Variants in PLPP7 observed in about 807,000 individuals in gnomAD.
The protein encoded by PLPP7 is phospholipid phosphatase 7 (inactive), also known as inactive phospholipid phosphatase 7.
PLPP7 carries 11 observed loss-of-function variants against 16.9 expected under a neutral mutation model. That is an observed-to-expected ratio of 0.65 (90% confidence interval 0.41 to 1.08). The LOEUF is 1.08. Ranked by LOEUF, PLPP7 falls within the 50% of genes least tolerant of loss-of-function variation. PLPP7 has a pLI of 0.00. For missense variants in PLPP7, 358 were observed against 397.1 expected (o/e 0.90, Z 0.84); for synonymous variants, 174 against 175.1 (o/e 0.99, Z 0.05).
chr9:131,291,963 G>A (rs1168595431), intron 1 of PLPP7, among the ~76,000 whole-genome samples: 1 of 152,208 alleles, frequency 6.6e-6, no homozygotes, highest in Non-Finnish European at 1.5e-5. Context: ...CACGAGGTTG[G>A]TGCCATTATC....
chr9:131,297,384 GTC>G (rs1297928343), intron 1 of PLPP7, among the ~76,000 whole-genome samples: 2 of 111,332 alleles, frequency 1.8e-5, no homozygotes, highest in Non-Finnish European at 3.8e-5. Flanking sequence ...AGCAGGTGGA[GTC>G]TTTTTTTTTT....
In PLPP7 at chr9:131,290,483, G is replaced by T; in HGVS notation, c.451+35G>T. 1 of 1,484,448 alleles carries T rather than the reference G, an allele frequency of 6.7e-7. No individual in the cohort carries two copies. The highest frequency in any genetic ancestry group is 8.9e-7 in the Non-Finnish European group (1 of 1,120,588). 92.0% of individuals were successfully genotyped at this position (1,484,448 alleles called of 1,614,324 possible). On this transcript the variant is annotated intron_variant, in intron 1 of 1. Coordinates refer to ENST00000372264, the MANE Select transcript of PLPP7 (RefSeq NM_032728.4). This position sits in a 1 kb window ranked among gnomAD's most constrained non-coding sequence, Gnocchi z 4.2. The stretch of plus-strand genomic sequence containing the variant: ...CCTGCCGCCCGCCACTCACTGTCAG[G>T]CCCCTCGGGAGGCAGCCTGGCCTGC...
intron 1 of PLPP7, among the ~76,000 whole-genome samples, chr9:131,297,533 C>A (rs1351571847): frequency 6.6e-6 from 1 of 151,988 alleles, no homozygotes; most frequent in East Asian, 1.9e-4. Flanking sequence ...TTACAGGTGC[C>A]TGCCACCACA....
intron 1 of PLPP7, chr9:131,292,813 C>T: frequency 1.0e-6 from 1 of 985,222 alleles, no homozygotes; most frequent in Non-Finnish European, 1.2e-6. Flanking sequence ...AGAACATTTC[C>T]CCTGCCCCAA....
intron 1 of PLPP7, among the ~76,000 whole-genome samples, chr9:131,297,690 A>C (rs1039979167): frequency 4.6e-5 from 7 of 152,184 alleles, no homozygotes. Context: ...CTAGCCTGTA[A>C]AAATAACTTT....
intron 1 of PLPP7, among the ~76,000 whole-genome samples, chr9:131,298,043 G>C (rs1332377136): frequency 2.0e-5 from 3 of 152,130 alleles, no homozygotes; most frequent in African/African-American, 7.2e-5. Flanking sequence ...TTAGGCCACA[G>C]TTTGTCCTGT....
intron 1 of PLPP7, among the ~76,000 whole-genome samples, chr9:131,297,277 C>A (rs1835743870): frequency 6.6e-6 from 1 of 152,206 alleles, no homozygotes; most frequent in South Asian, 2.1e-4. Flanking sequence ...GGACCTGGTG[C>A]TCAGCAGAGT....
intron 1 of PLPP7, among the ~76,000 whole-genome samples, chr9:131,294,742 C>T (rs550504513): frequency 7.2e-5 from 11 of 152,168 alleles, no homozygotes; most frequent in Non-Finnish European, 1.5e-4. Flanking sequence ...AAGATCTTGG[C>T]TCACTGCAAC....
At chr9:131,306,295 A>T (rs1195801699) in intron 1 of PLPP7, among the ~76,000 whole-genome samples, 1 of 152,016 alleles carries the variant, frequency 6.6e-6, no homozygotes. Context: ...TAATCCCAGC[A>T]CTTTGGGAGG....
intron 1 of PLPP7, among the ~76,000 whole-genome samples, chr9:131,303,332 TAA>T (rs34474446): frequency 1.1e-3 from 107 of 99,132 alleles, no homozygotes; most frequent in East Asian, 3.3e-3. Context: ...AACTCTGTCT[TAA>T]AAAAAAAAAA....
Position 131,307,913 on chromosome 9 carries a change from C to G in PLPP7, c.452-10C>G. On this transcript the variant is annotated splice_polypyrimidine_tract_variant and intron_variant, in intron 1 of 1. Transcript: ENST00000372264. ...CTGATGGCCCAGGGGCCTCTGTCTC[C>G]CCCCAACAGCCCTGCTCCTGGACAT... is the stretch of plus-strand genomic sequence containing the variant. 1.3e-6 allele frequency: 2 copies of G among 1,567,636 alleles called. No individual in the cohort carries two copies. The highest frequency in any genetic ancestry group is 2.3e-5 in the South Asian group (2 of 86,940).
chr9:131,295,114 A>T lies in PLPP7; in HGVS notation c.451+4666A>T, dbSNP rs1267246531. 1.3e-5 allele frequency among the ~76,000 whole-genome samples: 2 copies of T among 150,466 alleles called. No individual in the cohort carries two copies. Among genetic ancestry groups the T allele is most frequent in the African/African-American group, 4.9e-5 (2 of 40,958 alleles). On this transcript the variant is annotated intron_variant, in intron 1 of 1. Transcript: ENST00000372264. The surrounding 1 kb of genome is among the most constrained non-coding windows in gnomAD (Gnocchi z 4.0). Reference sequence around the variant, plus strand: ...TGGGCGACAGAGTGAGACTCTGTCTAAAAAAAAAGTATCTTTATTGAGATT... The same window carrying T: ...TGGGCGACAGAGTGAGACTCTGTCTTAAAAAAAAGTATCTTTATTGAGATT...
rs1177544229 is a variant in PLPP7, at chr9:131,297,898, G to A, written c.451+7450G>A. The stretch of plus-strand genomic sequence containing the variant: ...ATACATATCTTATTTTATGAAGATG[G>A]CATCCTACTGGAAATCCTATTTTAT... On this transcript the variant is annotated intron_variant, in intron 1 of 1. Coordinates refer to ENST00000372264, the MANE Select transcript of PLPP7 (RefSeq NM_032728.4). Among the ~76,000 whole-genome samples, 13 of 152,156 alleles carry A rather than the reference G, an allele frequency of 8.5e-5. No homozygotes were observed. In the East Asian group the frequency reaches 2.3e-3, roughly 27 times the overall value.
rs145231730 is a variant in PLPP7 at position 131,290,361 on chromosome 9, G to C, written c.364G>C (p.Gly122Arg). The C allele has an allele frequency of 1.2e-6, 2 of 1,608,306 alleles. No homozygotes were observed. Among genetic ancestry groups the C allele is most frequent in the Admixed American group, 3.3e-5 (2 of 59,758 alleles). Residue 122 changes from glycine to arginine, a missense_variant, in exon 1 of 2, where the codon GGC becomes CGC. Coordinates refer to ENST00000372264, the MANE Select transcript of PLPP7 (RefSeq NM_032728.4). The surrounding 1 kb of genome is among the most constrained non-coding windows in gnomAD (Gnocchi z 4.2). ...MVKLIGITGH[G>R]IPWIGGTILC... ...CAAGCTCATCGGCATCACGGGCCAC[G>C]GCATCCCCTGGATCGGAGGCACCAT... is the stretch of plus-strand genomic sequence containing the variant.
chr9:131,300,245 T>G (rs563308958), intron 1 of PLPP7, among the ~76,000 whole-genome samples: 1 of 152,358 alleles, frequency 6.6e-6, no homozygotes, highest in East Asian at 1.9e-4. Flanking sequence ...GAACCACCCC[T>G]GGTACCTGCA....
In PLPP7 at chr9:131,297,968, G is replaced by A. The variant is rs142360653; in HGVS notation, c.451+7520G>A. Among the ~76,000 whole-genome samples, 536 of 152,202 alleles carry A rather than the reference G, an allele frequency of 3.5e-3. 1 individual carries two copies. The highest frequency in any genetic ancestry group is 0.011 in the African/African-American group (446 of 41,516). Reference sequence around the variant, plus strand: ...ACATACCCCATGGCTTTCTGATATAGTCGGGCTATAAATATACATGGGCCT... The same window carrying A: ...ACATACCCCATGGCTTTCTGATATAATCGGGCTATAAATATACATGGGCCT... On this transcript the variant is annotated intron_variant, in intron 1 of 1. Coordinates refer to ENST00000372264, the MANE Select transcript of PLPP7 (RefSeq NM_032728.4).
intron 1 of PLPP7, among the ~76,000 whole-genome samples, chr9:131,304,663 A>T (rs1835834329): frequency 6.6e-6 from 1 of 152,118 alleles, no homozygotes; most frequent in Non-Finnish European, 1.5e-5. Context: ...AAAAGGAAGG[A>T]AAGAGCCCAC....
chr9:131,303,637 TG>T (rs893838562), intron 1 of PLPP7, among the ~76,000 whole-genome samples: 57 of 152,148 alleles, frequency 3.7e-4, no homozygotes, highest in African/African-American at 1.3e-3. Context: ...GCCCTCCTGG[TG>T]GGCCAGGCGT....
chr9:131,300,950 T>TTTTATTTATTTATGTA (rs1835792306), intron 1 of PLPP7, among the ~76,000 whole-genome samples: 1 of 151,960 alleles, frequency 6.6e-6, no homozygotes, highest in Non-Finnish European at 1.5e-5. Context: ...GAAAGGCAGA[T>TTTTATTTATTTATGTA]TTTATTTATT....
Sources: allele counts gnomAD v4.1 joint callset (sites outside exome capture counted in the v4.1 genomes callset), GRCh38; gene constraint gnomAD v4.1.1; non-coding constraint Gnocchi (gnomAD v3.1); transcripts MANE v1.5; gene names NCBI Gene and HGNC (gene_info 2026-07-23, HGNC 2026-07-21).